Variants in WAC observed in about 807,000 individuals in gnomAD.
WAC encodes the protein WW domain-containing adapter protein with coiled-coil.
A neutral mutation model predicts 79.6 loss-of-function variants in WAC; 11 were observed. The ratio of observed to expected loss-of-function variants is 0.14; its 90% CI spans 0.09 to 0.23. WAC has a LOEUF of 0.23. WAC is among the 10% of genes least tolerant of loss of function. The probability of loss-of-function intolerance (pLI) is 1.00; values close to 1 mark genes in which losing one functional copy is unlikely to be tolerated. For missense variants in WAC, 728 were observed against 773.5 expected, an observed-to-expected ratio of 0.94 and a Z score of 0.70; for synonymous variants, 304 against 276.9, an observed-to-expected ratio of 1.10 and a Z score of -0.97.
At position 28,620,244 on chromosome 10, in the gene WAC, T is replaced by C. The variant is rs1458486567; in HGVS notation, c.*638T>C. 6.5e-6 allele frequency: 1 copy of C among 152,692 alleles called. No homozygotes were observed. Among genetic ancestry groups the C allele is most frequent in the Non-Finnish European group, 1.5e-5 (1 of 68,072 alleles). The allele number at this position is 152,692 out of a possible 1,614,324, so 9.5% of individuals were successfully genotyped here. On this transcript the variant is annotated 3_prime_UTR_variant, in exon 14 of 14. Transcript: ENST00000354911. ...TTTTAAGGCTCCTCTTTATCTCCTTTCTTAAGGCACTGTTGCTATGGCACT... is the reference window on the plus strand; with the variant it reads ...TTTTAAGGCTCCTCTTTATCTCCTTCCTTAAGGCACTGTTGCTATGGCACT...
chr10:28,609,506 A>T lies in WAC; in HGVS notation c.1165+1075A>T, dbSNP rs1285879182. ...CATTAGTCTGTTCTTACTGTCCTTA[A>T]TTTTTTTGTATTTTTATTTTATTCT... is the stretch of plus-strand genomic sequence containing the variant. On this transcript the variant is annotated intron_variant, in intron 8 of 13. Transcript: ENST00000354911. Among the ~76,000 whole-genome samples the T allele has an allele frequency of 2.6e-5, 4 of 152,154 alleles. No homozygotes were observed. In the East Asian group the frequency reaches 7.7e-4, roughly 29 times the overall value.
At chr10:28,596,142 ATTTTT>A in intron 7 of WAC, 101 bp downstream of exon 7, 1 of 1,283,546 alleles carries the variant, frequency 7.8e-7, no homozygotes, top group African/African-American at 1.5e-5. Context: ...TGAATTATAA[ATTTTT>A]AAAAAAGTCT....
intron 9 of WAC, chr10:28,611,365 T>G: frequency 7.7e-7 from 1 of 1,296,682 alleles, no homozygotes; most frequent in Non-Finnish European, 1.0e-6. Context: ...ATGCCTTGTC[T>G]GGAATGGAAG....
At chr10:28,606,718 C>T (rs1431930554) in intron 7 of WAC, among the ~76,000 whole-genome samples, 1 of 152,148 alleles carries the variant, frequency 6.6e-6, no homozygotes, top group East Asian at 1.9e-4. Context: ...ATACTAAAAG[C>T]AAACAGAGTG....
At chr10:28,533,828 C>T (rs1836435276) in intron 1 of WAC, 170 bp from the exon 2 acceptor site, 3 of 1,024,260 alleles carry the variant, frequency 2.9e-6, no homozygotes, top group South Asian at 1.6e-5. Context: ...ATTTCGCCCT[C>T]TCCGGCCCTT....
At position 28,617,713 on chromosome 10, in the gene WAC, T is replaced by C; in HGVS notation, c.1803T>C (p.Ile601=). 2.5e-6 allele frequency: 4 copies of C among 1,598,512 alleles called. No homozygotes were observed. The South Asian group carries it at 4.7e-5, about 19-fold the overall frequency. The change falls in exon 13 of 14, where the codon ATT becomes ATC. Residue 601 remains isoleucine (I), a synonymous_variant. Transcript: ENST00000354911. The part of the protein sequence containing the change: ...HNMGTIHMSE[I]CTELKNLRSL... ...TGGGAACTATTCACATGTCCGAAAT[T>C]TGTACTGAATTAAAAAATTTAAGAT...
intron 3 of WAC, among the ~76,000 whole-genome samples, chr10:28,562,857 T>C (rs919899717): frequency 6.6e-6 from 1 of 152,192 alleles, no homozygotes; most frequent in African/African-American, 2.4e-5. Flanking sequence ...GCTTTTTTTT[T>C]CTTTAATGCT....
intron 4 of WAC, among the ~76,000 whole-genome samples, chr10:28,587,750 T>C (rs1839895350): frequency 6.6e-6 from 1 of 152,316 alleles, no homozygotes; most frequent in South Asian, 2.1e-4. Context: ...GGTATGTGAT[T>C]GTATGCTCTA....
At chr10:28,547,749 C>T (rs1296732285) in intron 3 of WAC, among the ~76,000 whole-genome samples, 1 of 151,924 alleles carries the variant, frequency 6.6e-6, no homozygotes, top group Admixed American at 6.6e-5. Flanking sequence ...GGATGTATGA[C>T]TCCTAATTTA....
intron 3 of WAC, among the ~76,000 whole-genome samples, chr10:28,552,577 C>A (rs539297298): frequency 6.6e-6 from 1 of 152,122 alleles, no homozygotes; most frequent in Non-Finnish European, 1.5e-5. Flanking sequence ...TAAGGAATTA[C>A]ACCAAATAAA....
chr10:28,571,141 G>T (rs1260857680), intron 3 of WAC, among the ~76,000 whole-genome samples: 1 of 151,552 alleles, frequency 6.6e-6, no homozygotes, highest in Non-Finnish European at 1.5e-5. Flanking sequence ...TGTTGGCCAG[G>T]CTGGTCTTGA....
intron 3 of WAC, among the ~76,000 whole-genome samples, chr10:28,573,058 A>T (rs893918407): frequency 2.1e-4 from 32 of 152,198 alleles, no homozygotes; most frequent in Non-Finnish European, 4.4e-4. Flanking sequence ...GTCTCACTAA[A>T]GGAGTGGCTC....
chr10:28,615,988 T>A, intron 11 of WAC, 185 bp from the exon 12 acceptor site: 1 of 474,806 alleles, frequency 2.1e-6, no homozygotes, highest in Non-Finnish European at 3.6e-6. Context: ...TTTTTCCCCC[T>A]AAAGTGTTTT....
chr10:28,549,080 A>G (rs868378554), intron 3 of WAC, among the ~76,000 whole-genome samples: 2 of 152,094 alleles, frequency 1.3e-5, no homozygotes, highest in Non-Finnish European at 2.9e-5. Context: ...TGCATTTTTT[A>G]TAGAGACAGA....
At chr10:28,593,463 A>G (rs1840200402) in intron 6 of WAC, among the ~76,000 whole-genome samples, 1 of 152,062 alleles carries the variant, frequency 6.6e-6, no homozygotes, top group Non-Finnish European at 1.5e-5. Flanking sequence ...AGTGTTTGTA[A>G]AGCACTAAAA....
At chr10:28,603,513 G>T (rs1840742954) in intron 7 of WAC, among the ~76,000 whole-genome samples, 1 of 152,156 alleles carries the variant, frequency 6.6e-6, no homozygotes, top group African/African-American at 2.4e-5. Context: ...TCTTTTCAAA[G>T]ATGTGGATTT....
In WAC at chr10:28,617,670, G is replaced by T; in HGVS notation, c.1760G>T (p.Arg587Leu). 1 of 1,564,066 alleles carries T rather than the reference G, an allele frequency of 6.4e-7. No homozygotes were observed. The highest frequency in any genetic ancestry group is 8.6e-7 in the Non-Finnish European group (1 of 1,163,060). The change falls in exon 13 of 14, where the codon CGC becomes CTC. Residue 587 changes from arginine to leucine, a missense_variant. Around this residue, in one of 3 missense-constraint regions of WAC, gnomAD observed 66 missense variants for 78.9 expected, o/e 0.84. Transcript: ENST00000354911. ...DHAEKQASRLREEAHNMGTIH... is the reference protein window; with the variant it reads ...DHAEKQASRLLEEAHNMGTIH... ...CTTTAATTACAGGCATCAAGATTACGCGAAGAAGCGCATAACATGGGAACT... is the reference window on the plus strand; with the variant it reads ...CTTTAATTACAGGCATCAAGATTACTCGAAGAAGCGCATAACATGGGAACT...
chr10:28,577,674 C>T (rs920896641), intron 3 of WAC, among the ~76,000 whole-genome samples: 3 of 152,130 alleles, frequency 2.0e-5, no homozygotes, highest in Non-Finnish European at 2.9e-5. Flanking sequence ...TGGGAAGGTA[C>T]TGACCTGTAG....
In WAC at chr10:28,534,004, C is replaced by G. The variant is rs777582762; in HGVS notation, c.48C>G (p.His16Gln). ...RKQQRLSDGC[H>Q]DRRGDSQPYQ... ...TTCTCTTCCTGTTTTTCAGCTGTCACGACCGGAGGGGGGACTCGCAGCCTT... is the reference window on the plus strand; with the variant it reads ...TTCTCTTCCTGTTTTTCAGCTGTCAGGACCGGAGGGGGGACTCGCAGCCTT... Residue 16 changes from histidine (H) to glutamine (Q), a missense_variant, in exon 2 of 14, where the codon CAC becomes CAG. Transcript: ENST00000354911. The G allele has an allele frequency of 8.1e-6, 13 of 1,602,864 alleles. No individual in the cohort carries two copies. Among genetic ancestry groups the G allele is most frequent in the Admixed American group, 5.1e-5 (3 of 59,162 alleles).
Sources: gnomAD v4.1 joint callset for allele counts (sites outside exome capture counted in the v4.1 genomes callset) on GRCh38, gnomAD v4.1.1 for gene constraint, gnomAD v4.1.1 regional missense constraint, MANE v1.5 for transcripts, NCBI Gene and HGNC (gene_info 2026-07-23, HGNC 2026-07-21) for gene names.